COX7B2: variants seen among roughly 807,000 people sequenced by gnomAD.
The protein encoded by COX7B2 is cytochrome c oxidase subunit 7B2, mitochondrial.
For missense variants in COX7B2, 109 were observed against 95.9 expected, an observed-to-expected ratio of 1.14 and a Z score of -0.57; for synonymous variants, 37 against 32.1, an observed-to-expected ratio of 1.15 and a Z score of -0.51.
At position 46,751,388 on chromosome 4, in the gene COX7B2, T is replaced by C. The variant is rs143844655; in HGVS notation, c.-49-16147A>G. ...GAATGTTTATATGTCTACTTTTATA[T>C]CCACTTCTCACATTAACATTTAATT... is the stretch of plus-strand genomic sequence containing the variant. On this transcript the variant is annotated intron_variant, in intron 2 of 2. Coordinates refer to ENST00000355591, the MANE Select transcript of COX7B2 (RefSeq NM_130902.3). 4.7e-3 allele frequency among the ~76,000 whole-genome samples: 715 copies of C among 152,292 alleles called. 15 individuals carry two copies. The highest frequency in any genetic ancestry group is 5.4e-3 in the East Asian group (28 of 5,188).
intron 2 of COX7B2, among the ~76,000 whole-genome samples, chr4:46,813,821 A>G (rs1719411925): frequency 6.6e-6 from 1 of 152,222 alleles, no homozygotes; most frequent in Non-Finnish European, 1.5e-5. Flanking sequence ...CCCAGAATAT[A>G]AAAGAAACAC....
intron 2 of COX7B2, among the ~76,000 whole-genome samples, chr4:46,735,892 C>T (rs973410200): frequency 2.0e-5 from 3 of 152,060 alleles, no homozygotes; most frequent in Admixed American, 1.3e-4. Flanking sequence ...TGGTTCACAG[C>T]GAAATTGAGC....
rs375713654 is a variant in COX7B2, at chr4:46,886,560, T to C, written c.-105+22600A>G. Among the ~76,000 whole-genome samples, 7 of 152,190 alleles carry C rather than the reference T, an allele frequency of 4.6e-5. No individual in the cohort carries two copies. In the East Asian group the frequency reaches 9.6e-4, roughly 21 times the overall value. Reference sequence around the variant, plus strand: ...ATTCTCACAAGTATAATTAATTTAGTCCTTTGTGTATATTGTGTTGAATAT... The same window carrying C: ...ATTCTCACAAGTATAATTAATTTAGCCCTTTGTGTATATTGTGTTGAATAT... On this transcript the variant is annotated intron_variant, in intron 1 of 2. Transcript: ENST00000355591.
chr4:46,842,982 T>C (rs1293336594), intron 2 of COX7B2, among the ~76,000 whole-genome samples: 2 of 151,986 alleles, frequency 1.3e-5, no homozygotes, highest in Non-Finnish European at 2.9e-5. Flanking sequence ...GCCACACTGA[T>C]TTCCACAATG....
At chr4:46,767,998 C>G (rs771532735) in intron 2 of COX7B2, among the ~76,000 whole-genome samples, 2 of 152,222 alleles carry the variant, frequency 1.3e-5, no homozygotes, top group African/African-American at 4.8e-5. Flanking sequence ...CTGGCAGGAA[C>G]GAACCCTGTA....
At chr4:46,861,272 T>G (rs957239234) in intron 1 of COX7B2, among the ~76,000 whole-genome samples, 2 of 152,222 alleles carry the variant, frequency 1.3e-5, no homozygotes, top group African/African-American at 2.4e-5. Context: ...CCCACTCATA[T>G]CTCATCATTT....
chr4:46,770,778 A>G (rs1367800301), intron 2 of COX7B2, among the ~76,000 whole-genome samples: 1 of 152,174 alleles, frequency 6.6e-6, no homozygotes, highest in African/African-American at 2.4e-5. Flanking sequence ...TCCATATCCA[A>G]GAATATAAAA....
chr4:46,763,243 C>A (rs532646003), intron 2 of COX7B2, among the ~76,000 whole-genome samples: 40 of 136,506 alleles, frequency 2.9e-4, no homozygotes, highest in Middle Eastern at 4.1e-3. Context: ...TATATATATA[C>A]ATATATATAC....
At chr4:46,751,392 C>T (rs533201482) in intron 2 of COX7B2, among the ~76,000 whole-genome samples, 2 of 152,250 alleles carry the variant, frequency 1.3e-5, no homozygotes, top group South Asian at 4.1e-4. Context: ...TTTATATCCA[C>T]TTCTCACATT....
intron 2 of COX7B2, among the ~76,000 whole-genome samples, chr4:46,755,915 C>T (rs953785987): frequency 6.6e-6 from 1 of 151,960 alleles, no homozygotes; most frequent in Non-Finnish European, 1.5e-5. Context: ...CAATGCAATC[C>T]TTATCAAATG....
chr4:46,819,827 C>A (rs1714149784), intron 2 of COX7B2, among the ~76,000 whole-genome samples: 1 of 152,202 alleles, frequency 6.6e-6, no homozygotes, highest in Non-Finnish European at 1.5e-5. Flanking sequence ...GTCATTGTGG[C>A]ATGGTCACAA....
intron 2 of COX7B2, among the ~76,000 whole-genome samples, chr4:46,786,664 C>T (rs562214008): frequency 2.0e-5 from 3 of 152,188 alleles, no homozygotes; most frequent in African/African-American, 7.2e-5. Flanking sequence ...GGGTTTACAG[C>T]CTGGTAGGAT....
chr4:46,794,702 G>T (rs1172021340), intron 2 of COX7B2, among the ~76,000 whole-genome samples: 2 of 152,090 alleles, frequency 1.3e-5, no homozygotes, highest in African/African-American at 4.8e-5. Context: ...AAGACAAGGT[G>T]GGCATGATTA....
chr4:46,779,442 C>A (rs1359980957), intron 2 of COX7B2, among the ~76,000 whole-genome samples: 2 of 152,146 alleles, frequency 1.3e-5, no homozygotes, highest in African/African-American at 4.8e-5. Flanking sequence ...CAGATTGTTT[C>A]CATACCTTGG....
At chr4:46,747,120 G>A (rs10938453) in intron 2 of COX7B2, among the ~76,000 whole-genome samples, 49,384 of 151,410 alleles carry the variant, frequency 0.33, 8,246 homozygotes, top group South Asian at 0.47. Flanking sequence ...CTCGTGTCAT[G>A]GGGGTTTGTT....
intron 2 of COX7B2, among the ~76,000 whole-genome samples, chr4:46,785,662 C>G (rs879691959): frequency 1.3e-5 from 2 of 152,140 alleles, no homozygotes; most frequent in Admixed American, 6.5e-5. Context: ...TTATTCTACC[C>G]AAATTAAAAG....
intron 2 of COX7B2, among the ~76,000 whole-genome samples, chr4:46,835,303 A>G (rs1374354410): frequency 6.6e-6 from 1 of 152,174 alleles, no homozygotes; most frequent in Non-Finnish European, 1.5e-5. Flanking sequence ...ATGTTGCAAC[A>G]TTGTTTATAA....
At chr4:46,769,229 A>C (rs1037973550) in intron 2 of COX7B2, among the ~76,000 whole-genome samples, 1 of 152,200 alleles carries the variant, frequency 6.6e-6, no homozygotes, top group Non-Finnish European at 1.5e-5. Flanking sequence ...TTTATGATGT[A>C]ATATTACCCT....
In COX7B2 at chr4:46,799,244, G is replaced by A. The variant is rs565041082; in HGVS notation, c.-50+45716C>T. ...GAAACTTTACTAAAGTTGTTTATCC[G>A]ATCTAGGAGGCTTTGGGCAGAAACG... On this transcript the variant is annotated intron_variant, in intron 2 of 2. Transcript: ENST00000355591. Among the ~76,000 whole-genome samples the A allele has an allele frequency of 2.0e-4, 30 of 152,174 alleles. 1 individual carries two copies. Among genetic ancestry groups the A allele is most frequent in the African/African-American group, 6.0e-4 (25 of 41,526 alleles).
Sources: allele counts gnomAD v4.1 joint callset (sites outside exome capture counted in the v4.1 genomes callset), GRCh38; gene constraint gnomAD v4.1.1; transcripts MANE v1.5; gene names NCBI Gene and HGNC (gene_info 2026-07-23, HGNC 2026-07-21).